Variants in PADI6 observed in about 807,000 individuals in gnomAD.
PADI6 encodes the protein inactive protein-arginine deiminase type-6.
Under a neutral mutation model 78.2 loss-of-function variants are expected in PADI6, and 66 were observed. The ratio of observed to expected loss-of-function variants is 0.84; its 90% confidence interval spans 0.69 to 1.04. The LOEUF is 1.04. Among genes scored for constraint, PADI6 ranks in the 50% least tolerant of loss-of-function variants. The pLI, the probability that PADI6 is intolerant of heterozygous loss-of-function variation, is 0.00. For missense variants in PADI6, 854 were observed against 866.1 expected, an observed-to-expected ratio of 0.99 and a Z score of 0.18; for synonymous variants, 397 against 346.9, an observed-to-expected ratio of 1.14 and a Z score of -1.60.
At chr1:17,382,375 G>C (rs1450745464) in intron 6 of PADI6, among the ~76,000 whole-genome samples, 1 of 152,180 alleles carries the variant, frequency 6.6e-6, no homozygotes, top group Non-Finnish European at 1.5e-5. Context: ...GAAGAGAAGA[G>C]AGACATATCC....
chr1:17,378,655 A>T (rs1301548787), intron 3 of PADI6, among the ~76,000 whole-genome samples: 1 of 152,062 alleles, frequency 6.6e-6, no homozygotes, highest in Non-Finnish European at 1.5e-5. Context: ...CCCAGGCTGG[A>T]GTGGAGTGGT....
chr1:17,377,611 G>A (rs369252230), intron 3 of PADI6, among the ~76,000 whole-genome samples: 2 of 152,222 alleles, frequency 1.3e-5, no homozygotes, highest in East Asian at 1.9e-4. Context: ...CATCACAGTA[G>A]GCGGTAGCTC....
intron 3 of PADI6, among the ~76,000 whole-genome samples, chr1:17,379,354 T>C (rs2100292747): frequency 6.6e-6 from 1 of 151,150 alleles, no homozygotes; most frequent in East Asian, 1.9e-4. Context: ...GACCTCGTGA[T>C]CCGCCCGCCT....
At chr1:17,379,588 G>C (rs1421624909) in intron 3 of PADI6, among the ~76,000 whole-genome samples, 1 of 152,148 alleles carries the variant, frequency 6.6e-6, no homozygotes, top group African/African-American at 2.4e-5. Context: ...GGAGCATAAA[G>C]CTTTCCAGAA....
At chr1:17,398,977 A>AAGGGGTCT in intron 15 of PADI6, 130 bp downstream of exon 15, 1 of 1,027,830 alleles carries the variant, frequency 9.7e-7, no homozygotes, top group Non-Finnish European at 1.4e-6. Flanking sequence ...TGGGAGGGAG[A>AAGGGGTCT]CCCCTTCTCC....
chr1:17,376,507 G>A (rs898742337), intron 3 of PADI6, among the ~76,000 whole-genome samples: 1 of 150,176 alleles, frequency 6.7e-6, no homozygotes, highest in Non-Finnish European at 1.5e-5. Flanking sequence ...TTTATTTTTA[G>A]TGGGCTAATT....
At chr1:17,378,439 G>C (rs12025170) in intron 3 of PADI6, among the ~76,000 whole-genome samples, 19,147 of 152,122 alleles carry the variant, frequency 0.13, 1,528 homozygotes, top group East Asian at 0.28. Context: ...TGATATTCCA[G>C]TTGGGAATCA....
chr1:17,377,739 T>C (rs1024411603), intron 3 of PADI6, among the ~76,000 whole-genome samples: 3 of 152,170 alleles, frequency 2.0e-5, no homozygotes, highest in Admixed American at 6.6e-5. Flanking sequence ...GTGTGTTCAC[T>C]CCGGCTCGAG....
chr1:17,373,032 CGT>C, intron 1 of PADI6, 22 bp from the exon 2 acceptor site: 6 of 1,609,048 alleles, frequency 3.7e-6, no homozygotes, highest in Non-Finnish European at 5.1e-6. Context: ...TGCCCTGACG[CGT>C]GTCTCTTACC....
chr1:17,386,782 C>A (rs1201351865), intron 6 of PADI6, among the ~76,000 whole-genome samples: 1 of 152,198 alleles, frequency 6.6e-6, no homozygotes. Flanking sequence ...ACTGCAGAGT[C>A]CATCGGGAGG....
At position 17,392,239 on chromosome 1, in the gene PADI6, TG is replaced by T. The variant is rs1486393866; in HGVS notation, c.1074+17del. 3 of 1,541,552 alleles carry T rather than the reference TG, an allele frequency of 1.9e-6. No homozygotes were observed. The African/African-American group carries it at 4.1e-5, about 21-fold the overall frequency. On this transcript the variant is annotated intron_variant, in intron 9 of 15. Coordinates refer to ENST00000619609, the MANE Select transcript of PADI6 (RefSeq NM_207421.4). ...AGGTGGCTCCAGGTAACACCCCACC[TG>T]GGAACCCACCTGTCGGGGAGGGGTG...
At chr1:17,375,305 G>A in intron 2 of PADI6, 122 bp from the exon 3 acceptor site, 1 of 868,750 alleles carries the variant, frequency 1.2e-6, no homozygotes, top group Non-Finnish European at 1.8e-6. Context: ...TCATAGGTGA[G>A]ACTTCAGAAG....
chr1:17,391,929 A>G (rs1221535745), intron 8 of PADI6, among the ~76,000 whole-genome samples, 185 bp from the exon 9 acceptor site: 1 of 152,262 alleles, frequency 6.6e-6, no homozygotes, highest in African/African-American at 2.4e-5. Flanking sequence ...GTAGTGTCAG[A>G]CAAGATGGGC....
intron 12 of PADI6, 103 bp downstream of exon 12, chr1:17,395,210 T>TG: frequency 1.5e-6 from 2 of 1,363,536 alleles, no homozygotes; most frequent in South Asian, 1.5e-5. Flanking sequence ...TTTTTTTTTT[T>TG]TTTTGTTTGT....
intron 6 of PADI6, among the ~76,000 whole-genome samples, chr1:17,385,600 G>C (rs1173604363): frequency 1.3e-5 from 2 of 152,174 alleles, no homozygotes; most frequent in Admixed American, 1.3e-4. Flanking sequence ...ATAGAACCCA[G>C]GTTCATTGAA....
chr1:17,377,869 G>A (rs1161628474), intron 3 of PADI6, among the ~76,000 whole-genome samples: 1 of 152,186 alleles, frequency 6.6e-6, no homozygotes, highest in Non-Finnish European at 1.5e-5. Context: ...ACATCTTTAA[G>A]TGGAATATTG....
intron 3 of PADI6, among the ~76,000 whole-genome samples, chr1:17,377,613 C>T (rs963112832): frequency 5.9e-5 from 9 of 152,196 alleles, no homozygotes; most frequent in African/African-American, 1.4e-4. Flanking sequence ...TCACAGTAGG[C>T]GGTAGCTCCA....
chr1:17,395,435 C>T (rs1272727890), intron 12 of PADI6, 105 bp from the exon 13 acceptor site: 26 of 1,413,130 alleles, frequency 1.8e-5, no homozygotes, highest in Non-Finnish European at 2.5e-5. Flanking sequence ...AACTTCTGAC[C>T]TCAGAGGATC....
intron 6 of PADI6, among the ~76,000 whole-genome samples, chr1:17,387,523 G>T (rs186747722): frequency 1.3e-4 from 20 of 152,178 alleles, no homozygotes; most frequent in Non-Finnish European, 2.6e-4. Flanking sequence ...TCCGAGGTAG[G>T]CAGATCACGA....
Sources: allele counts gnomAD v4.1 joint callset (sites outside exome capture counted in the v4.1 genomes callset), GRCh38; gene constraint gnomAD v4.1.1; transcripts MANE v1.5; gene names NCBI Gene and HGNC (gene_info 2026-07-23, HGNC 2026-07-21).